Variants in PCDHA10 observed in about 807,000 individuals in gnomAD.
PCDHA10 encodes protocadherin alpha-10.
PCDHA10 carries 45 observed loss-of-function variants against 61.2 expected under a neutral mutation model. The ratio of observed to expected loss-of-function variants is 0.74; its 90% CI spans 0.58 to 0.94. PCDHA10 has a LOEUF of 0.94. Ranked by LOEUF, PCDHA10 falls within the 40% of genes least tolerant of loss-of-function variation. The pLI is 0.00. For missense variants in PCDHA10, 1,278 were observed against 1,236.2 expected (o/e 1.03, Z -0.51); for synonymous variants, 602 against 548.8 (o/e 1.10, Z -1.35).
intron 1 of PCDHA10, chr5:140,875,529 G>A: frequency 1.2e-6 from 2 of 1,614,112 alleles, no homozygotes; most frequent in South Asian, 1.1e-5. Context: ...TCTCGCTTCT[G>A]CTCCTTGCAG....
chr5:140,856,405 C>A lies in PCDHA10; in HGVS notation c.357C>A (p.Asp119Glu). The change falls in exon 1 of 4, where the codon GAC (aspartate) becomes GAA (glutamate). Residue 119 changes from aspartate (D) to glutamate (E), a missense_variant. Transcript: ENST00000307360. ...GGCCGCTGCAGGTTTTCCATGTGGA[C>A]GTGGAAGTGAAGGACATTAACGACA... ...VDRPLQVFHV[D>E]VEVKDINDNP... 1 of 1,598,432 alleles carries A rather than the reference C, an allele frequency of 6.3e-7. No homozygotes were observed. The highest frequency in any genetic ancestry group is 8.6e-7 in the Non-Finnish European group (1 of 1,167,952).
intron 3 of PCDHA10, among the ~76,000 whole-genome samples, chr5:141,000,391 C>CTA (rs2097912428): frequency 7.9e-4 from 45 of 56,656 alleles, no homozygotes; most frequent in East Asian, 1.2e-3. Flanking sequence ...CTCTCTCTCT[C>CTA]TCTCTATATA....
chr5:140,904,742 T>G (rs1300439121), intron 1 of PCDHA10, among the ~76,000 whole-genome samples: 1 of 152,216 alleles, frequency 6.6e-6, no homozygotes, highest in African/African-American at 2.4e-5. Context: ...TTTTTTATTA[T>G]GACCATTTTT....
chr5:140,885,083 C>T (rs1359793188), intron 1 of PCDHA10, among the ~76,000 whole-genome samples: 3 of 151,992 alleles, frequency 2.0e-5, no homozygotes, highest in Admixed American at 6.5e-5. Context: ...TAAAGAGCCC[C>T]ATAACTTTTC....
intron 1 of PCDHA10, among the ~76,000 whole-genome samples, chr5:140,972,550 A>G (rs534377572): frequency 6.6e-6 from 1 of 152,114 alleles, no homozygotes; most frequent in Admixed American, 6.5e-5. Context: ...TGCAGTGAGG[A>G]TTCTGAAGTA....
chr5:141,003,457 G>A (rs769049189), intron 3 of PCDHA10, among the ~76,000 whole-genome samples: 1 of 152,136 alleles, frequency 6.6e-6, no homozygotes, highest in Non-Finnish European at 1.5e-5. Flanking sequence ...AATTACAGGC[G>A]TGCACCACCA....
chr5:140,894,670 C>T (rs971891585), intron 1 of PCDHA10, among the ~76,000 whole-genome samples: 2 of 151,580 alleles, frequency 1.3e-5, no homozygotes, highest in African/African-American at 4.8e-5. Flanking sequence ...TTTGTGTATT[C>T]TTGCATAGCT....
intron 1 of PCDHA10, chr5:140,868,560 T>C (rs2050524245): frequency 1.3e-5 from 2 of 152,862 alleles, no homozygotes; most frequent in South Asian, 2.1e-4. Flanking sequence ...TATTTTTATA[T>C]GAGGAACAAC....
At position 140,918,968 on chromosome 5, in the gene PCDHA10, G is replaced by A. The variant is rs1028863089; in HGVS notation, c.2389-59981G>A. Among the ~76,000 whole-genome samples, 5 of 152,196 alleles carry A rather than the reference G, an allele frequency of 3.3e-5. 1 individual carries two copies. The highest frequency in any genetic ancestry group is 5.9e-5 in the Non-Finnish European group (4 of 68,034). On this transcript the variant is annotated intron_variant, in intron 1 of 3. Transcript: ENST00000307360. ...TCCTGAACAGACTAAGACAGATATC[G>A]TTTAGGTTAGTTGGTTTTTAGTGTT...
chr5:141,008,872 A>C (rs1174901625), intron 3 of PCDHA10, among the ~76,000 whole-genome samples: 1 of 152,140 alleles, frequency 6.6e-6, no homozygotes, highest in Non-Finnish European at 1.5e-5. Context: ...GCTGCATCCC[A>C]CCACCCTTCA....
intron 1 of PCDHA10, among the ~76,000 whole-genome samples, chr5:140,944,533 AG>A (rs1276351803): frequency 6.6e-6 from 1 of 152,148 alleles, no homozygotes; most frequent in Non-Finnish European, 1.5e-5. Flanking sequence ...AAATGATTTA[AG>A]TATTTAAAGA....
chr5:140,881,445 A>C, intron 1 of PCDHA10: 1 of 783,070 alleles, frequency 1.3e-6, no homozygotes, highest in Non-Finnish European at 1.6e-6. Flanking sequence ...TAAAAACAGA[A>C]TCCAAAACCT....
At chr5:140,861,503 C>T in intron 1 of PCDHA10, 3 of 478,536 alleles carry the variant, frequency 6.3e-6, no homozygotes, top group South Asian at 4.8e-5. Flanking sequence ...TGATAGACCT[C>T]GAGGAGCTGT....
intron 2 of PCDHA10, among the ~76,000 whole-genome samples, chr5:140,979,807 A>G (rs376087021): frequency 1.3e-4 from 20 of 152,376 alleles, no homozygotes; most frequent in African/African-American, 4.1e-4. Flanking sequence ...CACAACTATC[A>G]AAAGGATTTA....
chr5:140,905,580 T>C (rs2071928885), intron 1 of PCDHA10, among the ~76,000 whole-genome samples: 1 of 152,168 alleles, frequency 6.6e-6, no homozygotes, highest in Non-Finnish European at 1.5e-5. Flanking sequence ...AGAATGATAA[T>C]GATATTTTGC....
intron 3 of PCDHA10, among the ~76,000 whole-genome samples, chr5:140,999,171 C>T (rs1482438264): frequency 1.3e-5 from 2 of 152,054 alleles, no homozygotes; most frequent in African/African-American, 4.8e-5. Context: ...AGGAAAAGAG[C>T]CTGATGGGGA....
At chr5:140,950,082 A>G (rs2094448240) in intron 1 of PCDHA10, among the ~76,000 whole-genome samples, 1 of 151,916 alleles carries the variant, frequency 6.6e-6, no homozygotes, top group South Asian at 2.1e-4. Flanking sequence ...TGCTTATGCT[A>G]TAGTTTTCAT....
At chr5:140,985,228 C>T (rs1022229644) in intron 3 of PCDHA10, among the ~76,000 whole-genome samples, 2 of 152,156 alleles carry the variant, frequency 1.3e-5, no homozygotes, top group Admixed American at 6.5e-5. Flanking sequence ...TGAGCCACCG[C>T]GCCTGGCCTA....
chr5:140,957,614 T>C (rs1208546101), intron 1 of PCDHA10, among the ~76,000 whole-genome samples: 6 of 152,134 alleles, frequency 3.9e-5, no homozygotes, highest in African/African-American at 1.4e-4. Flanking sequence ...CACAGACATA[T>C]ACATGCACAC....
Sources: gnomAD v4.1 joint callset for allele counts (sites outside exome capture counted in the v4.1 genomes callset) on GRCh38, gnomAD v4.1.1 for gene constraint, MANE v1.5 for transcripts, NCBI Gene and HGNC (gene_info 2026-07-23, HGNC 2026-07-21) for gene names.